The following RAB28 variants were observed in gnomAD, a reference collection of about 807,000 sequenced individuals.
RAB28 encodes ras-related protein Rab-28.
A neutral mutation model predicts 31.7 loss-of-function variants in RAB28; 24 were observed. The ratio of observed to expected loss-of-function variants is 0.76; its 90% CI spans 0.55 to 1.06. The LOEUF is 1.06. RAB28 is among the 50% of genes least tolerant of loss of function. The probability of loss-of-function intolerance (pLI) is 0.00; values close to 1 mark genes in which losing one functional copy is unlikely to be tolerated. For synonymous variants in RAB28, 100 were observed against 90.4 expected (o/e 1.11, Z -0.60); for missense variants, 254 against 258.5 (o/e 0.98, Z 0.12).
At chr4:13,446,721 T>C (rs60178789) in intron 4 of RAB28, among the ~76,000 whole-genome samples, 8,505 of 151,950 alleles carry the variant, frequency 0.056, 548 homozygotes, top group African/African-American at 0.16. Flanking sequence ...GGTACCTCAG[T>C]TGGAAATGCG....
At chr4:13,479,105 A>G (rs1716493390) in intron 2 of RAB28, among the ~76,000 whole-genome samples, 1 of 151,748 alleles carries the variant, frequency 6.6e-6, no homozygotes, top group Admixed American at 6.6e-5. Context: ...CATTTTGTTA[A>G]TACAATATCT....
chr4:13,414,740 CAA>C (rs150030959), intron 4 of RAB28, among the ~76,000 whole-genome samples: 6 of 151,936 alleles, frequency 3.9e-5, no homozygotes, highest in African/African-American at 1.4e-4. Context: ...TATGCTGTGA[CAA>C]AAAAAGTTTA....
At chr4:13,410,224 T>C (rs936296176) in intron 4 of RAB28, among the ~76,000 whole-genome samples, 1 of 152,148 alleles carries the variant, frequency 6.6e-6, no homozygotes, top group East Asian at 1.9e-4. Context: ...TTTATAGCAG[T>C]GTAAGAACAG....
At chr4:13,455,712 G>T (rs1715265007) in intron 4 of RAB28, among the ~76,000 whole-genome samples, 1 of 152,230 alleles carries the variant, frequency 6.6e-6, no homozygotes, top group African/African-American at 2.4e-5. Context: ...CTAGAGTCAG[G>T]ACTTGCAAGA....
At chr4:13,483,300 T>G (rs898568918) in intron 1 of RAB28, among the ~76,000 whole-genome samples, 10 of 152,112 alleles carry the variant, frequency 6.6e-5, no homozygotes, top group African/African-American at 2.4e-4. Flanking sequence ...CCGCATTCAT[T>G]CATTCGAACA....
At chr4:13,480,099 C>T (rs1435789772) in intron 1 of RAB28, among the ~76,000 whole-genome samples, 1 of 151,568 alleles carries the variant, frequency 6.6e-6, no homozygotes, top group East Asian at 1.9e-4. Context: ...CTTAAATAAA[C>T]GTATTTTTAA....
intron 4 of RAB28, among the ~76,000 whole-genome samples, chr4:13,410,755 C>G (rs1021101094): frequency 1.3e-5 from 2 of 151,972 alleles, no homozygotes; most frequent in Admixed American, 6.6e-5. Context: ...AAGGCAAGAA[C>G]AGGCTAAGGT....
At chr4:13,406,175 C>T (rs965839961) in intron 4 of RAB28, among the ~76,000 whole-genome samples, 18 of 152,080 alleles carry the variant, frequency 1.2e-4, no homozygotes, top group African/African-American at 3.4e-4. Context: ...CTACAGGCCC[C>T]GGTGTGTGAT....
intron 6 of RAB28, among the ~76,000 whole-genome samples, chr4:13,372,925 A>T (rs1304177740): frequency 6.6e-6 from 1 of 151,966 alleles, no homozygotes; most frequent in Non-Finnish European, 1.5e-5. Context: ...TGAGGGGACA[A>T]TAAGGAATAT....
intron 4 of RAB28, among the ~76,000 whole-genome samples, chr4:13,383,570 A>C (rs1047323977): frequency 1.3e-5 from 2 of 151,972 alleles, no homozygotes; most frequent in Admixed American, 1.3e-4. Flanking sequence ...CTGTGTCCCC[A>C]CCCAAATCTC....
intron 4 of RAB28, among the ~76,000 whole-genome samples, chr4:13,416,478 C>T (rs369223595): frequency 5.3e-5 from 8 of 152,086 alleles, no homozygotes; most frequent in Non-Finnish European, 5.9e-5. Context: ...CCACCAATTC[C>T]GGACACAGTA....
intron 4 of RAB28, among the ~76,000 whole-genome samples, chr4:13,387,206 A>C: frequency 6.6e-6 from 1 of 152,048 alleles, no homozygotes; most frequent in Non-Finnish European, 1.5e-5. Context: ...CACAAGTGTA[A>C]CTATGTAACA....
intron 4 of RAB28, among the ~76,000 whole-genome samples, chr4:13,420,299 C>A (rs527659036): frequency 1.3e-5 from 2 of 152,058 alleles, no homozygotes; most frequent in Admixed American, 1.3e-4. Flanking sequence ...CAGGACCAGA[C>A]GGATTCACAG....
chr4:13,438,077 A>G (rs1714221193), intron 4 of RAB28, among the ~76,000 whole-genome samples: 1 of 152,148 alleles, frequency 6.6e-6, no homozygotes, highest in South Asian at 2.1e-4. Context: ...CATTACCCTA[A>G]GTCAAATGTA....
In RAB28 at chr4:13,474,216, G is replaced by A. The variant is rs184085924; in HGVS notation, c.261+102C>T. 4,480 of 840,928 alleles carry A rather than the reference G, an allele frequency of 5.3e-3. 31 individuals carry two copies. Among genetic ancestry groups the A allele is most frequent in the Middle Eastern group, 0.018 (83 of 4,508 alleles). 52.1% of individuals were successfully genotyped at this position (840,928 alleles called of 1,614,324 possible). A position where few individuals can be genotyped will look rare whatever the true frequency, so the allele number is the denominator to read the frequency against. The stretch of plus-strand genomic sequence containing the variant: ...ATTCTCTCTACGTATCAGATAAAAA[G>A]TTAGAAAGAATGTGTGTGTGTGTGC... On this transcript the variant is annotated intron_variant, in intron 3 of 6. Coordinates refer to ENST00000330852, the MANE Select transcript of RAB28 (RefSeq NM_001017979.3).
rs750356693 is a variant in RAB28, at chr4:13,474,426, T to C, written c.173-20A>G. 6.9e-7 allele frequency: 1 copy of C among 1,440,540 alleles called. No individual in the cohort carries two copies. The highest frequency in any genetic ancestry group is 1.9e-5 in the Admixed American group (1 of 52,734). The allele number at this position is 1,440,540 out of a possible 1,614,324, so 89.2% of individuals were successfully genotyped here. ...AGTTTCCTAGAATATAAAAAATGAA[T>C]ATAAAAATAAGAATACCAAAAAAAT... On this transcript the variant is annotated intron_variant, in intron 2 of 6. Transcript: ENST00000330852.
At chr4:13,416,144 T>C (rs1712767557) in intron 4 of RAB28, among the ~76,000 whole-genome samples, 1 of 151,792 alleles carries the variant, frequency 6.6e-6, no homozygotes, top group South Asian at 2.1e-4. Flanking sequence ...GATAAGAAAA[T>C]AAAAGCAGGC....
chr4:13,473,192 A>T (rs1350761496), intron 3 of RAB28, among the ~76,000 whole-genome samples: 1 of 151,990 alleles, frequency 6.6e-6, no homozygotes, highest in Non-Finnish European at 1.5e-5. Flanking sequence ...AACTTTGTAC[A>T]GCAGAGTGCT....
intron 4 of RAB28, among the ~76,000 whole-genome samples, chr4:13,418,207 A>G (rs1712911324): frequency 6.6e-6 from 1 of 152,226 alleles, no homozygotes; most frequent in Non-Finnish European, 1.5e-5. Flanking sequence ...AAGAGAAAAA[A>G]GAGTAAAAAG....
Sources: allele counts gnomAD v4.1 joint callset (sites outside exome capture counted in the v4.1 genomes callset), GRCh38; gene constraint gnomAD v4.1.1; transcripts MANE v1.5; gene names NCBI Gene and HGNC (gene_info 2026-07-23, HGNC 2026-07-21).